Variants in FLT1 observed in about 807,000 individuals in gnomAD.
FLT1 encodes the protein vascular endothelial growth factor receptor 1.
FLT1 carries 49 observed loss-of-function variants against 156.3 expected under a neutral mutation model. That is an observed-to-expected ratio of 0.31 (90% CI 0.25 to 0.40). The LOEUF (loss-of-function observed/expected upper bound fraction) is 0.40, where lower values mean the gene tolerates loss of function less well. FLT1 is among the 10% of genes least tolerant of loss of function. FLT1 has a pLI of 1.00. For missense variants in FLT1, 1,322 were observed against 1,637.2 expected (o/e 0.81, Z 3.32); for synonymous variants, 594 against 583.8 (o/e 1.02, Z -0.25).
rs199658437 is a variant in FLT1 at position 28,427,767 on chromosome 13, T to C, written c.1261A>G (p.Thr421Ala). Residue 421 changes from threonine (T) to alanine (A), a missense_variant, in exon 9 of 30, where the codon ACT becomes GCT. Thr to Ala is a moderately conservative substitution (Grantham distance 58). Around this residue, in one of 3 missense-constraint regions of FLT1, gnomAD observed 991 missense variants for 1,254.8 expected, o/e 0.79. Coordinates refer to ENST00000282397, the MANE Select transcript of FLT1 (RefSeq NM_002019.4). ...QSNVFKNLTA[T>A]LIVNVKPQIY... ...GCAAACTTACCATTGACAATTAGAG[T>C]GGCAGTGAGGTTTTTAAACACATTT... 6.2e-7 allele frequency: 1 copy of C among 1,613,800 alleles called. No individual in the cohort carries two copies. The highest frequency in any genetic ancestry group is 8.5e-7 in the Non-Finnish European group (1 of 1,179,776).
intron 15 of FLT1, among the ~76,000 whole-genome samples, chr13:28,352,664 A>C (rs1250526205): frequency 2.0e-5 from 3 of 152,208 alleles, no homozygotes; most frequent in African/African-American, 7.2e-5. Context: ...TCCTATTGAC[A>C]TTAGTGCACA....
chr13:28,309,952 C>T (rs1163234747), intron 27 of FLT1, among the ~76,000 whole-genome samples: 7 of 138,382 alleles, frequency 5.1e-5, no homozygotes, highest in African/African-American at 1.6e-4. Context: ...TGCAGTGGCA[C>T]GATCTCGGCT....
chr13:28,398,429 T>C (rs1361862648), intron 11 of FLT1, among the ~76,000 whole-genome samples: 1 of 152,226 alleles, frequency 6.6e-6, no homozygotes, highest in Non-Finnish European at 1.5e-5. Flanking sequence ...CTTGAGTTTC[T>C]AAGTAATGTG....
intron 16 of FLT1, among the ~76,000 whole-genome samples, chr13:28,340,625 G>A (rs948005029): frequency 4.6e-5 from 7 of 152,024 alleles, no homozygotes; most frequent in Non-Finnish European, 1.0e-4. Flanking sequence ...TTCCCTAAAC[G>A]GGATCAGAGT....
chr13:28,455,436 A>G (rs1391366265), intron 3 of FLT1, among the ~76,000 whole-genome samples: 1 of 152,218 alleles, frequency 6.6e-6, no homozygotes, highest in Non-Finnish European at 1.5e-5. Context: ...ATACAAACAA[A>G]CAAACAAAAA....
intron 10 of FLT1, among the ~76,000 whole-genome samples, chr13:28,408,753 G>A (rs1323733129): frequency 6.6e-6 from 1 of 152,102 alleles, no homozygotes; most frequent in Non-Finnish European, 1.5e-5. Context: ...TCTGGACAAG[G>A]CCACTGTTAT....
At chr13:28,417,111 T>C (rs1226871243) in intron 10 of FLT1, among the ~76,000 whole-genome samples, 1 of 152,204 alleles carries the variant, frequency 6.6e-6, no homozygotes, top group Non-Finnish European at 1.5e-5. Context: ...AGTGGGCTTC[T>C]GGCCAATAGA....
chr13:28,380,634 A>G (rs1383929702), intron 14 of FLT1, among the ~76,000 whole-genome samples: 1 of 140,566 alleles, frequency 7.1e-6, no homozygotes, highest in African/African-American at 2.6e-5. Context: ...CTGTTTTTAG[A>G]TATTATTCTT....
At position 28,329,668 on chromosome 13, in the gene FLT1, A is replaced by G. The variant is rs1303327476; in HGVS notation, c.2654T>C (p.Ile885Thr). 17 of 1,614,106 alleles carry G rather than the reference A, an allele frequency of 1.1e-5. No individual in the cohort carries two copies. The highest frequency in any genetic ancestry group is 1.3e-5 in the Non-Finnish European group (15 of 1,180,050). The change falls in exon 19 of 30, where the codon ATT (isoleucine) becomes ACT (threonine). Residue 885 changes from isoleucine to threonine, a missense_variant. Ile to Thr is a moderately conservative substitution (Grantham distance 89). Transcript: ENST00000282397. ...LMTELKILTH[I>T]GHHLNVVNLL... ...GTTAACCACGTTCAGATGGTGGCCA[A>G]TGTGGGTCAAGATTTTTAGCTCAGT...
chr13:28,412,880 T>C (rs1037791183), intron 10 of FLT1, among the ~76,000 whole-genome samples: 4 of 151,832 alleles, frequency 2.6e-5, no homozygotes, highest in African/African-American at 9.7e-5. Context: ...TTAAAACAGA[T>C]GAAACAATAT....
In FLT1 at chr13:28,344,912, C is replaced by G. The variant is rs894602107; in HGVS notation, c.2355+533G>C. On this transcript the variant is annotated intron_variant, in intron 16 of 29. Transcript: ENST00000282397. ...GACCTCCCAGGCTAAAGTGATTTTC[C>G]CACCTCAGCCTCCCGAGTAGCTGGG... Among the ~76,000 whole-genome samples the G allele has an allele frequency of 3.3e-5, 5 of 149,288 alleles. No individual in the cohort carries two copies. The South Asian group carries it at 1.1e-3, about 32-fold the overall frequency.
At chr13:28,452,519 T>C (rs752103269) in intron 3 of FLT1, among the ~76,000 whole-genome samples, 1 of 152,136 alleles carries the variant, frequency 6.6e-6, no homozygotes. Context: ...CAAGTGAGTG[T>C]CTGCTTCCTA....
At chr13:28,320,968 C>A (rs563754476) in intron 23 of FLT1, among the ~76,000 whole-genome samples, 3 of 152,058 alleles carry the variant, frequency 2.0e-5, no homozygotes, top group Non-Finnish European at 4.4e-5. Context: ...TACGAGCCAG[C>A]GGGGAGATGC....
intron 16 of FLT1, among the ~76,000 whole-genome samples, chr13:28,340,612 C>T (rs1872296957): frequency 6.6e-6 from 1 of 152,140 alleles, no homozygotes; most frequent in South Asian, 2.1e-4. Flanking sequence ...CCTTTTGGTG[C>T]TTTTCCCTAA....
intron 14 of FLT1, among the ~76,000 whole-genome samples, chr13:28,383,771 G>A (rs1476261156): frequency 5.3e-5 from 8 of 152,026 alleles, no homozygotes; most frequent in Admixed American, 2.6e-4. Context: ...GGAGGCTGCA[G>A]TGAGCTGAGT....
At chr13:28,384,717 A>C (rs1346659021) in intron 14 of FLT1, among the ~76,000 whole-genome samples, 168 bp downstream of exon 14, 6 of 152,194 alleles carry the variant, frequency 3.9e-5, no homozygotes, top group Admixed American at 3.9e-4. Context: ...GAACTGGCCC[A>C]AATATTCCTC....
At chr13:28,369,580 G>A (rs1873460342) in intron 14 of FLT1, among the ~76,000 whole-genome samples, 1 of 152,180 alleles carries the variant, frequency 6.6e-6, no homozygotes, top group Non-Finnish European at 1.5e-5. Context: ...CTAAAAAGAT[G>A]AGTGATTTCA....
At chr13:28,397,692 CT>C (rs1875135345) in intron 11 of FLT1, among the ~76,000 whole-genome samples, 1 of 150,848 alleles carries the variant, frequency 6.6e-6, no homozygotes, top group Non-Finnish European at 1.5e-5. Context: ...TGGCTTGAAA[CT>C]TTTTTTCTAT....
chr13:28,371,888 T>G (rs972516138), intron 14 of FLT1, among the ~76,000 whole-genome samples: 1 of 151,568 alleles, frequency 6.6e-6, no homozygotes, highest in African/African-American at 2.4e-5. Context: ...ACAGTAGTTT[T>G]GTTTGTTAAA....
Sources: gnomAD v4.1 joint callset for allele counts (sites outside exome capture counted in the v4.1 genomes callset) on GRCh38, gnomAD v4.1.1 for gene constraint, gnomAD v4.1.1 regional missense constraint, MANE v1.5 for transcripts, NCBI Gene and HGNC (gene_info 2026-07-23, HGNC 2026-07-21) for gene names.